CDH4: variants seen among roughly 807,000 people sequenced by gnomAD.
CDH4 encodes the protein cadherin-4.
A neutral mutation model predicts 86.0 loss-of-function variants in CDH4; 33 were observed. The observed-to-expected ratio is 0.38, with a 90% CI of 0.29 to 0.51. CDH4 has a LOEUF of 0.51. CDH4 is among the 20% of genes least tolerant of loss of function. The pLI is 0.86. For synonymous variants in CDH4, 555 were observed against 549.4 expected (o/e 1.01, Z -0.14); for missense variants, 1,114 against 1,307.4 (o/e 0.85, Z 2.28).
chr20:61,542,707 T>C (rs1048404141), intron 2 of CDH4, among the ~76,000 whole-genome samples: 1 of 152,238 alleles, frequency 6.6e-6, no homozygotes, highest in Non-Finnish European at 1.5e-5. Flanking sequence ...AGGGTCTCCT[T>C]TTCCTCTTAA....
intron 2 of CDH4, among the ~76,000 whole-genome samples, chr20:61,340,476 C>CATGATTCTGTCATGATTTGTGT (rs2084644228): frequency 6.6e-6 from 1 of 152,148 alleles, no homozygotes; most frequent in Non-Finnish European, 1.5e-5. Flanking sequence ...TTGGACTTTC[C>CATGATTCTGTCATGATTTGTGT]AAATAGGATT....
intron 2 of CDH4, among the ~76,000 whole-genome samples, chr20:61,274,832 C>T (rs73915253): frequency 0.016 from 1,912 of 122,562 alleles, 62 homozygotes; most frequent in African/African-American, 0.059. Flanking sequence ...GGGGAAGTAC[C>T]ATGGGCAGTT....
chr20:61,527,619 C>T (rs969384412), intron 2 of CDH4, among the ~76,000 whole-genome samples: 6 of 152,190 alleles, frequency 3.9e-5, no homozygotes, highest in African/African-American at 1.4e-4. Flanking sequence ...AGGAGAACCT[C>T]TATCATCTGA....
chr20:61,567,511 C>A (rs922421829), intron 2 of CDH4, among the ~76,000 whole-genome samples: 37 of 152,210 alleles, frequency 2.4e-4, no homozygotes, highest in Non-Finnish European at 4.4e-5. Flanking sequence ...GAGGGCTCCA[C>A]CCTGGGCCCC....
chr20:61,496,276 C>A (rs2145594450), intron 2 of CDH4, among the ~76,000 whole-genome samples: 1 of 152,114 alleles, frequency 6.6e-6, no homozygotes, highest in African/African-American at 2.4e-5. Context: ...GTGGTGTGTG[C>A]CTGTATTCCC....
At chr20:61,553,349 G>GTTT (rs1568889799) in intron 2 of CDH4, among the ~76,000 whole-genome samples, 2 of 152,194 alleles carry the variant, frequency 1.3e-5, no homozygotes, top group Non-Finnish European at 2.9e-5. Flanking sequence ...AATGTACTGG[G>GTTT]TTAAAAGTGA....
chr20:61,703,494 A>C lies in CDH4; in HGVS notation c.170-40069A>C, dbSNP rs541175823. On this transcript the variant is annotated intron_variant, in intron 2 of 15. Transcript: ENST00000614565. The surrounding 1 kb of genome is among the most constrained non-coding windows in gnomAD (Gnocchi z 4.3). ...GTATTTAACCTAATATTGAAAAGAC[A>C]TCATTTGTCCCCACCAACAAATTAG... is the stretch of plus-strand genomic sequence containing the variant. 9.8e-4 allele frequency among the ~76,000 whole-genome samples: 149 copies of C among 152,334 alleles called. 1 individual carries two copies. The highest frequency in any genetic ancestry group is 2.8e-3 in the African/African-American group (117 of 41,558).
At chr20:61,743,350 CTTTTCTTCCCCCCCT>C (rs1291865765) in intron 2 of CDH4, among the ~76,000 whole-genome samples, 198 bp from the exon 3 acceptor site, 4 of 152,224 alleles carry the variant, frequency 2.6e-5, no homozygotes, top group Non-Finnish European at 5.9e-5. Context: ...CTCAGTGTTG[CTTTTCTTCCCCCCCT>C]TTTTTAAAGG....
Position 61,623,600 on chromosome 20 carries a change from C to T in CDH4, c.170-119963C>T, listed in dbSNP as rs545394747. 5.0e-4 allele frequency among the ~76,000 whole-genome samples: 76 copies of T among 152,292 alleles called. No homozygotes were observed. The highest frequency in any genetic ancestry group is 1.8e-3 in the African/African-American group (73 of 41,570). On this transcript the variant is annotated intron_variant, in intron 2 of 15. Coordinates refer to ENST00000614565, the MANE Select transcript of CDH4 (RefSeq NM_001794.5). The surrounding 1 kb of genome is among the most constrained non-coding windows in gnomAD (Gnocchi z 4.4). Reference sequence around the variant, plus strand: ...AGACCCAGCGGCCGTGTTGTCTTTCCTCTACATGAGCATCATTCGTGCAAA... The same window carrying T: ...AGACCCAGCGGCCGTGTTGTCTTTCTTCTACATGAGCATCATTCGTGCAAA...
chr20:61,561,113 T>G (rs1481895863), intron 2 of CDH4, among the ~76,000 whole-genome samples: 1 of 152,178 alleles, frequency 6.6e-6, no homozygotes, highest in East Asian at 1.9e-4. Context: ...TCCACATAGC[T>G]GTCCCCACCC....
intron 3 of CDH4, among the ~76,000 whole-genome samples, chr20:61,749,809 C>T (rs144477559): frequency 0.076 from 11,545 of 152,210 alleles, 589 homozygotes; most frequent in Non-Finnish European, 0.11. Context: ...GCCTGTAATC[C>T]CAGCGCTTTG....
rs111622464 is a variant in CDH4, at chr20:61,931,272, G to A, written c.2239+1430G>A. On this transcript the variant is annotated intron_variant, in intron 13 of 15. Coordinates refer to ENST00000614565, the MANE Select transcript of CDH4 (RefSeq NM_001794.5). Reference sequence around the variant, plus strand: ...CGGGCTCCAGGCTCCAGGTTCTCACGGAGCTGCACCTGCAGTGCGTGGCTC... The same window carrying A: ...CGGGCTCCAGGCTCCAGGTTCTCACAGAGCTGCACCTGCAGTGCGTGGCTC... Among the ~76,000 whole-genome samples, 1,159 of 152,302 alleles carry A rather than the reference G, an allele frequency of 7.6e-3. 14 individuals are homozygous for A. The highest frequency in any genetic ancestry group is 0.025 in the African/African-American group (1,052 of 41,566).
intron 2 of CDH4, among the ~76,000 whole-genome samples, chr20:61,490,890 A>AG (rs2085622584): frequency 6.6e-6 from 1 of 152,152 alleles, no homozygotes; most frequent in African/African-American, 2.4e-5. Context: ...GGATAATCAA[A>AG]GTGCTGATAA....
intron 3 of CDH4, 113 bp from the exon 4 acceptor site, chr20:61,772,889 AC>A (rs1244931092): frequency 2.6e-5 from 22 of 830,648 alleles, no homozygotes; most frequent in South Asian, 1.4e-4. Context: ...TCCCAGCGTT[AC>A]CCGCCTTCCC....
At chr20:61,767,626 G>C (rs199979728) in intron 3 of CDH4, among the ~76,000 whole-genome samples, 8 of 152,180 alleles carry the variant, frequency 5.3e-5, no homozygotes, top group Non-Finnish European at 8.8e-5. Flanking sequence ...GCTTTGGGCC[G>C]CTCCTGCCCA....
intron 2 of CDH4, among the ~76,000 whole-genome samples, chr20:61,282,397 C>T (rs2084263717): frequency 6.6e-6 from 1 of 152,224 alleles, no homozygotes. Flanking sequence ...CTCTATCCCT[C>T]TTACTTTCAT....
At chr20:61,900,717 T>C (rs1277248559) in intron 8 of CDH4, among the ~76,000 whole-genome samples, 1 of 152,174 alleles carries the variant, frequency 6.6e-6, no homozygotes, top group Non-Finnish European at 1.5e-5. Context: ...CTGTCCAAGC[T>C]GCATGGGAGA....
At chr20:61,602,694 T>TTA (rs2086610977) in intron 2 of CDH4, among the ~76,000 whole-genome samples, 4 of 89,128 alleles carry the variant, frequency 4.5e-5, no homozygotes, top group Middle Eastern at 6.8e-3. Context: ...TTCACTTTAT[T>TTA]AAAAAAAAAA....
chr20:61,412,902 G>A (rs956955501), intron 2 of CDH4, among the ~76,000 whole-genome samples: 17 of 152,210 alleles, frequency 1.1e-4, no homozygotes, highest in African/African-American at 3.9e-4. Context: ...CGGGAAGAGT[G>A]TTTCTCCAGG....
Sources: gnomAD v4.1 joint callset for allele counts (sites outside exome capture counted in the v4.1 genomes callset) on GRCh38, gnomAD v4.1.1 for gene constraint, Gnocchi (gnomAD v3.1) non-coding constraint, MANE v1.5 for transcripts, NCBI Gene and HGNC (gene_info 2026-07-23, HGNC 2026-07-21) for gene names.